The following RIN2 variants were observed in gnomAD, a reference collection of about 807,000 sequenced individuals.
RIN2 encodes Ras and Rab interactor 2.
RIN2 carries 36 observed loss-of-function variants against 78.0 expected under a neutral mutation model. The ratio of observed to expected loss-of-function variants is 0.46; its 90% confidence interval spans 0.35 to 0.61. The LOEUF (loss-of-function observed/expected upper bound fraction) is 0.61. Ranked by LOEUF, RIN2 falls within the 20% of genes least tolerant of loss-of-function variation. The pLI is 0.00. For synonymous variants in RIN2, 466 were observed against 466.8 expected (o/e 1.00, Z 0.02); for missense variants, 1,087 against 1,159.7 (o/e 0.94, Z 0.91).
intron 1 of RIN2, among the ~76,000 whole-genome samples, chr20:19,771,590 C>T (rs116252732): frequency 0.012 from 1,872 of 152,292 alleles, 42 homozygotes; most frequent in African/African-American, 0.043. Context: ...GGGTCCAGCT[C>T]CCTTTCCGTA....
At chr20:19,948,535 C>T (rs961969467) in intron 4 of RIN2, among the ~76,000 whole-genome samples, 2 of 152,124 alleles carry the variant, frequency 1.3e-5, no homozygotes, top group Non-Finnish European at 2.9e-5. Flanking sequence ...GCTGGGACTA[C>T]AGGAGCGCGC....
At chr20:19,910,491 T>C (rs2039414554) in intron 3 of RIN2, among the ~76,000 whole-genome samples, 1 of 151,026 alleles carries the variant, frequency 6.6e-6, no homozygotes. Context: ...CTCTTTTTTC[T>C]TTTTCTTTTC....
intron 2 of RIN2, among the ~76,000 whole-genome samples, chr20:19,867,019 T>G (rs1034394004): frequency 6.7e-6 from 1 of 148,452 alleles, no homozygotes; most frequent in Non-Finnish European, 1.5e-5. Flanking sequence ...TTTTTTTTTT[T>G]GTTTAATGGA....
At chr20:19,791,060 T>A (rs561361683) in intron 1 of RIN2, among the ~76,000 whole-genome samples, 3 of 152,236 alleles carry the variant, frequency 2.0e-5, no homozygotes, top group Non-Finnish European at 4.4e-5. Flanking sequence ...ATCTTCTGCA[T>A]CTCTTTCAGA....
chr20:19,812,845 G>A (rs895506521), intron 2 of RIN2, among the ~76,000 whole-genome samples: 1 of 152,126 alleles, frequency 6.6e-6, no homozygotes, highest in Non-Finnish European at 1.5e-5. Flanking sequence ...GGAAGTTGGT[G>A]GTTAAAATGT....
rs753104734 is a variant in RIN2 at position 19,931,332 on chromosome 20, G to A, written c.58-3767G>A. Among the ~76,000 whole-genome samples the A allele has an allele frequency of 1.9e-4, 29 of 151,994 alleles. No individual in the cohort carries two copies. The East Asian group carries it at 2.5e-3, about 13-fold the overall frequency. ...TTTTAAAAAAACTTTTTATAGAGAC[G>A]ATCTCACTATGTTGTCCAGGCTGGT... On this transcript the variant is annotated intron_variant, in intron 3 of 12. Transcript: ENST00000255006.
intron 1 of RIN2, among the ~76,000 whole-genome samples, chr20:19,778,598 G>C (rs1346061674): frequency 1.3e-5 from 2 of 152,194 alleles, no homozygotes; most frequent in Non-Finnish European, 1.5e-5. Flanking sequence ...GCAAAGCCCA[G>C]CATAGACTTT....
chr20:19,838,594 A>C (rs1175044330), intron 2 of RIN2, among the ~76,000 whole-genome samples: 1 of 151,848 alleles, frequency 6.6e-6, no homozygotes, highest in East Asian at 1.9e-4. Flanking sequence ...GGCTGTAGCC[A>C]CTCCCTTTAT....
At chr20:19,846,392 C>A (rs1273846571) in intron 2 of RIN2, among the ~76,000 whole-genome samples, 2 of 151,998 alleles carry the variant, frequency 1.3e-5, no homozygotes, top group African/African-American at 4.8e-5. Flanking sequence ...TTTGTGTCCC[C>A]CTCTTATTTC....
Position 19,974,646 on chromosome 20 carries a change from A to C in RIN2, c.629-8A>C, listed in dbSNP as rs190569230. ...TACATTCTTGTGTTCACTGATAATG[A>C]CTTTCAGATTTCTGGAGCTCCCCAG... On this transcript the variant is annotated splice_region_variant and splice_polypyrimidine_tract_variant and intron_variant, in intron 8 of 12. Transcript: ENST00000255006. 294 of 1,608,688 alleles carry C rather than the reference A, an allele frequency of 1.8e-4. 1 individual carries two copies. In the East Asian group the frequency reaches 2.8e-3, roughly 16 times the overall value.
At chr20:19,932,847 C>G (rs1343312549) in intron 3 of RIN2, among the ~76,000 whole-genome samples, 1 of 152,154 alleles carries the variant, frequency 6.6e-6, no homozygotes, top group Non-Finnish European at 1.5e-5. Context: ...TTAATCTGCC[C>G]GAAGTTCAAT....
chr20:19,894,389 TA>T (rs201927902), intron 3 of RIN2, among the ~76,000 whole-genome samples: 2,634 of 152,124 alleles, frequency 0.017, 64 homozygotes, highest in African/African-American at 0.061. Context: ...TCCTCCTCTT[TA>T]AAAAAATTTT....
At chr20:19,986,825 C>T (rs1306954386) in intron 9 of RIN2, among the ~76,000 whole-genome samples, 2 of 152,202 alleles carry the variant, frequency 1.3e-5, no homozygotes, top group Admixed American at 6.5e-5. Flanking sequence ...GTTTAACTTA[C>T]ATCCATAAAG....
chr20:19,892,742 A>T (rs2038536799), intron 3 of RIN2, among the ~76,000 whole-genome samples: 1 of 152,184 alleles, frequency 6.6e-6, no homozygotes, highest in South Asian at 2.1e-4. Flanking sequence ...TTAGTCACCA[A>T]TATTCACATG....
intron 9 of RIN2, among the ~76,000 whole-genome samples, chr20:19,982,787 T>C (rs1015716331): frequency 6.6e-6 from 1 of 152,172 alleles, no homozygotes; most frequent in Non-Finnish European, 1.5e-5. Flanking sequence ...GCCTGGGGAA[T>C]TGATGCCCGT....
intron 9 of RIN2, among the ~76,000 whole-genome samples, chr20:19,985,759 CATCTT>C (rs1217876901): frequency 2.6e-5 from 4 of 152,174 alleles, no homozygotes; most frequent in African/African-American, 9.6e-5. Flanking sequence ...AGCATATACT[CATCTT>C]ACTCATCTGT....
chr20:19,906,994 C>T (rs564285859), intron 3 of RIN2, among the ~76,000 whole-genome samples: 1 of 152,168 alleles, frequency 6.6e-6, no homozygotes, highest in East Asian at 1.9e-4. Context: ...TATGCTACAA[C>T]TCTGGAGGCT....
At chr20:19,825,250 C>T (rs187442807) in intron 2 of RIN2, among the ~76,000 whole-genome samples, 229 of 152,338 alleles carry the variant, frequency 1.5e-3, no homozygotes, top group African/African-American at 4.4e-3. Context: ...GGCTCTGCCT[C>T]TAGGAAATCT....
At chr20:19,912,074 T>C (rs1394852936) in intron 3 of RIN2, among the ~76,000 whole-genome samples, 2 of 152,144 alleles carry the variant, frequency 1.3e-5, no homozygotes, top group East Asian at 3.8e-4. Flanking sequence ...GAGTAGCCAT[T>C]TGATGTGTTT....
Sources: gnomAD v4.1 joint callset for allele counts (sites outside exome capture counted in the v4.1 genomes callset) on GRCh38, gnomAD v4.1.1 for gene constraint, MANE v1.5 for transcripts, NCBI Gene and HGNC (gene_info 2026-07-23, HGNC 2026-07-21) for gene names.